The following MKS1 variants were observed in gnomAD, a reference collection of about 807,000 sequenced individuals.
MKS1 encodes the protein MKS transition zone complex subunit 1.
A neutral mutation model predicts 83.7 loss-of-function variants in MKS1; 70 were observed. The observed-to-expected ratio is 0.84, with a 90% CI of 0.69 to 1.02. MKS1 has a LOEUF of 1.02. MKS1 is among the 50% of genes least tolerant of loss of function. The probability of loss-of-function intolerance (pLI) is 0.00; values close to 1 mark genes in which losing one functional copy is unlikely to be tolerated. For missense variants in MKS1, 681 were observed against 726.9 expected (o/e 0.94, Z 0.73); for synonymous variants, 251 against 273.4 (o/e 0.92, Z 0.81).
Position 58,212,348 on chromosome 17 carries a change from C to A in MKS1, c.915+30G>T, listed in dbSNP as rs770940294. 2.5e-6 allele frequency: 4 copies of A among 1,612,252 alleles called. No homozygotes were observed. In the Admixed American group the frequency reaches 5.0e-5, roughly 20 times the overall value. On this transcript the variant is annotated intron_variant, in intron 9 of 17. Transcript: ENST00000393119. ...CAGAATGCTCCGGCTAAACACAGCT[C>A]ACAGTGCTGCAGGAAGCCAAGCTAC...
chr17:58,206,804 G>T, intron 15 of MKS1: 1 of 625,456 alleles, frequency 1.6e-6, no homozygotes, highest in Non-Finnish European at 2.8e-6. Flanking sequence ...CCCCACATCT[G>T]ATTACTGAGG....
intron 2 of MKS1, among the ~76,000 whole-genome samples, chr17:58,217,084 G>A (rs192505054): frequency 4.6e-4 from 70 of 152,302 alleles, no homozygotes; most frequent in African/African-American, 1.6e-3. Flanking sequence ...CCTCTTCCTG[G>A]GTTCAAGCGA....
intron 2 of MKS1, among the ~76,000 whole-genome samples, chr17:58,217,108 G>A (rs1245194956): frequency 6.6e-6 from 1 of 152,188 alleles, no homozygotes; most frequent in African/African-American, 2.4e-5. Context: ...TCCTGCCTCA[G>A]CCTCCCAAGT....
chr17:58,210,379 A>G (rs1968802591), intron 11 of MKS1, among the ~76,000 whole-genome samples: 1 of 152,190 alleles, frequency 6.6e-6, no homozygotes, highest in Admixed American at 6.5e-5. Context: ...GCATCACCCA[A>G]GAAGGATGAG....
intron 4 of MKS1, 72 bp downstream of exon 4, chr17:58,216,015 CA>C: frequency 6.4e-7 from 1 of 1,553,088 alleles, no homozygotes; most frequent in Non-Finnish European, 8.9e-7. Flanking sequence ...TGACATAACA[CA>C]CAGAACTCAG....
In MKS1 at chr17:58,208,188, T is replaced by C. The variant is rs1430640287; in HGVS notation, c.1096-14A>G. 2.5e-6 allele frequency: 4 copies of C among 1,600,484 alleles called. No individual in the cohort carries two copies. The South Asian group carries it at 4.4e-5, about 18-fold the overall frequency. On this transcript the variant is annotated splice_polypyrimidine_tract_variant and intron_variant, in intron 12 of 17. Transcript: ENST00000393119. ...AGCCACCTTGTCCTATAAAAAGGAG[T>C]GTCATAGGGTGGGCAAGGCCTCCCT...
In MKS1 at chr17:58,208,172, G is replaced by T. The variant is rs1374437999; in HGVS notation, c.1098C>A (p.Asp366Glu). ...QTCTTKSLAM[D>E]KVAHFSYPFT... The stretch of plus-strand genomic sequence containing the variant: ...ATGGGTAGGAGAAGTGAGCCACCTT[G>T]TCCTATAAAAAGGAGTGTCATAGGG... The change falls in exon 13 of 18, where the codon GAC (aspartate) becomes GAA (glutamate). Residue 366 changes from aspartate (D) to glutamate (E), a missense_variant and splice_region_variant. This residue lies in a region of MKS1 where 310 missense variants were observed against 321.7 expected (regional missense o/e 0.96). Transcript: ENST00000393119. 6.2e-7 allele frequency: 1 copy of T among 1,611,578 alleles called. No individual in the cohort carries two copies. Among genetic ancestry groups the T allele is most frequent in the Non-Finnish European group, 8.5e-7 (1 of 1,177,680 alleles).
chr17:58,206,646 G>A, intron 15 of MKS1, 99 bp from the exon 16 acceptor site: 1 of 1,202,636 alleles, frequency 8.3e-7, no homozygotes, highest in Non-Finnish European at 1.2e-6. Context: ...TTCTTGGGAA[G>A]CGCAGTTCTG....
At chr17:58,214,109 G>T in intron 6 of MKS1, 150 bp downstream of exon 6, 1 of 1,189,970 alleles carries the variant, frequency 8.4e-7, no homozygotes. Context: ...ATCTGAGTTG[G>T]CAGTGAGAAG....
At chr17:58,208,648 C>A in intron 11 of MKS1, 65 bp from the exon 12 acceptor site, 5 of 1,403,698 alleles carry the variant, frequency 3.6e-6, no homozygotes, top group African/African-American at 1.4e-5. Context: ...CAGAAAAAGA[C>A]AGTTTCTTTT....
intron 7 of MKS1, 82 bp from the exon 8 acceptor site, chr17:58,213,172 G>T (rs1156774653): frequency 1.5e-6 from 2 of 1,315,280 alleles, no homozygotes; most frequent in South Asian, 1.2e-5. Flanking sequence ...AGGGATGAGC[G>T]ATCAGGGGCC....
chr17:58,218,876 G>T, intron 1 of MKS1, 147 bp from the exon 2 acceptor site: 1 of 847,872 alleles, frequency 1.2e-6, no homozygotes, highest in Non-Finnish European at 1.9e-6. Flanking sequence ...TGGGTGCGCC[G>T]TCCTATGGGG....
chr17:58,211,252 C>A (rs773657519), intron 9 of MKS1: 5 of 561,150 alleles, frequency 8.9e-6, no homozygotes, highest in Non-Finnish European at 1.6e-5. Flanking sequence ...GAGGACAATG[C>A]ACTATGGGAA....
chr17:58,215,701 C>T (rs1229697962), intron 4 of MKS1: 1 of 285,092 alleles, frequency 3.5e-6, no homozygotes, highest in Non-Finnish European at 6.9e-6. Context: ...CTCTTCAAAC[C>T]CATATACTCA....
chr17:58,206,974 G>A, intron 15 of MKS1, 111 bp downstream of exon 15: 1 of 1,472,704 alleles, frequency 6.8e-7, no homozygotes, highest in Non-Finnish European at 9.5e-7. Flanking sequence ...GAAGGAAGGG[G>A]TTAATACTGA....
intron 7 of MKS1, among the ~76,000 whole-genome samples, chr17:58,213,368 T>G (rs1968997389): frequency 6.6e-6 from 1 of 152,198 alleles, no homozygotes; most frequent in Non-Finnish European, 1.5e-5. Flanking sequence ...TTCTCTCACC[T>G]GAAAAATGGA....
chr17:58,206,445 C>T lies in MKS1; in HGVS notation c.1490+20G>A. On this transcript the variant is annotated intron_variant, in intron 16 of 17. Transcript: ENST00000393119. ...CCCTCAGGGCTAAGGTGCCCTGAGG[C>T]AGAGGGCCAAGTCACTCACCTGGAC... The T allele has an allele frequency of 9.9e-6, 16 of 1,614,108 alleles. No homozygotes were observed. Among genetic ancestry groups the T allele is most frequent in the African/African-American group, 1.3e-5 (1 of 75,038 alleles).
intron 2 of MKS1, among the ~76,000 whole-genome samples, chr17:58,216,963 T>C (rs1969256253): frequency 6.6e-6 from 1 of 152,208 alleles, no homozygotes; most frequent in Non-Finnish European, 1.5e-5. Context: ...GTCATGACTC[T>C]AATTTGAATA....
chr17:58,206,350 T>C lies in MKS1; in HGVS notation c.1521A>G (p.Lys507=), dbSNP rs1968506461. ...GACGGTCCAACACACTCCGCATCCTTTTCTGAAGGGAGCTCGATTCCATGA... is the reference window on the plus strand; with the variant it reads ...GACGGTCCAACACACTCCGCATCCTCTTCTGAAGGGAGCTCGATTCCATGA... The part of the protein sequence containing the change: ...RAFMESSSLQ[K]RMRSVLDRLE... Residue 507 remains lysine (K), a synonymous_variant, in exon 17 of 18, where the codon AAA becomes AAG. Coordinates refer to ENST00000393119, the MANE Select transcript of MKS1 (RefSeq NM_017777.4). 1.9e-6 allele frequency: 3 copies of C among 1,614,010 alleles called. No individual in the cohort carries two copies. The highest frequency in any genetic ancestry group is 2.5e-6 in the Non-Finnish European group (3 of 1,179,990).
Sources: allele counts gnomAD v4.1 joint callset (sites outside exome capture counted in the v4.1 genomes callset), GRCh38; gene constraint gnomAD v4.1.1; regional missense constraint gnomAD v4.1.1; transcripts MANE v1.5; gene names NCBI Gene and HGNC (gene_info 2026-07-23, HGNC 2026-07-21).